BCKDHB: variants seen among roughly 807,000 people sequenced by gnomAD.
The protein encoded by BCKDHB is branched chain keto acid dehydrogenase E1 subunit beta.
Under a neutral mutation model 48.5 loss-of-function variants are expected in BCKDHB, and 41 were observed. The ratio of observed to expected loss-of-function variants is 0.85; its 90% confidence interval spans 0.66 to 1.10. The LOEUF is 1.10. Ranked by LOEUF, BCKDHB falls within the 50% of genes least tolerant of loss-of-function variation. The pLI is 0.00. For missense variants in BCKDHB, 496 were observed against 494.2 expected, an observed-to-expected ratio of 1.00 and a Z score of -0.03; for synonymous variants, 201 against 174.8, an observed-to-expected ratio of 1.15 and a Z score of -1.18.
intron 3 of BCKDHB, among the ~76,000 whole-genome samples, chr6:80,165,402 C>A (rs1469749311): frequency 6.6e-6 from 1 of 152,166 alleles, no homozygotes; most frequent in African/African-American, 2.4e-5. Context: ...TATAGCCTGG[C>A]AAACTACAGG....
chr6:80,185,838 G>A (rs1427866314), intron 6 of BCKDHB, among the ~76,000 whole-genome samples: 4 of 152,204 alleles, frequency 2.6e-5, no homozygotes, highest in African/African-American at 9.6e-5. Flanking sequence ...AGGGAGTTAA[G>A]TGTACTCTAT....
chr6:80,333,672 T>C (rs937639610), intron 9 of BCKDHB, among the ~76,000 whole-genome samples: 2 of 152,134 alleles, frequency 1.3e-5, no homozygotes, highest in African/African-American at 4.8e-5. Flanking sequence ...AGGGACATGA[T>C]TGAATTTATG....
At chr6:80,111,679 A>G (rs149837526) in intron 1 of BCKDHB, among the ~76,000 whole-genome samples, 1 of 152,332 alleles carries the variant, frequency 6.6e-6, no homozygotes, top group East Asian at 1.9e-4. Context: ...GCAGGAAACA[A>G]AATAACTATT....
At chr6:80,292,604 C>T (rs1356164714) in intron 9 of BCKDHB, among the ~76,000 whole-genome samples, 3 of 152,094 alleles carry the variant, frequency 2.0e-5, no homozygotes, top group African/African-American at 7.2e-5. Context: ...CATTCCACCC[C>T]AGCCCCTCCC....
At chr6:80,169,972 T>C (rs967936568) in intron 5 of BCKDHB, 3 of 1,304,832 alleles carry the variant, frequency 2.3e-6, no homozygotes, top group Admixed American at 3.8e-5. Flanking sequence ...ATATTGTTTT[T>C]AAGAACAGAT....
At chr6:80,128,182 TAC>T (rs1402637460) in intron 2 of BCKDHB, among the ~76,000 whole-genome samples, 5 of 152,026 alleles carry the variant, frequency 3.3e-5, no homozygotes, top group African/African-American at 1.2e-4. Flanking sequence ...TATCTATATA[TAC>T]AGTTTATATA....
At chr6:80,191,131 A>G (rs1280511094) in intron 6 of BCKDHB, among the ~76,000 whole-genome samples, 1 of 152,232 alleles carries the variant, frequency 6.6e-6, no homozygotes, top group Non-Finnish European at 1.5e-5. Context: ...TCTTTGTAAC[A>G]GATTCCCTGA....
the BCKDHB span, among the ~76,000 whole-genome samples, chr6:80,391,792 G>T: frequency 6.6e-6 from 1 of 151,838 alleles, no homozygotes; most frequent in Non-Finnish European, 1.5e-5. Flanking sequence ...TAAAATTTTG[G>T]GTTTACCATT....
At chr6:80,362,904 G>T in the BCKDHB span, among the ~76,000 whole-genome samples, 2 of 152,048 alleles carry the variant, frequency 1.3e-5, no homozygotes, top group African/African-American at 4.8e-5. Flanking sequence ...AACCAAAGAC[G>T]TGCCTTTAGA....
chr6:80,306,839 C>T (rs1158378418), intron 9 of BCKDHB, among the ~76,000 whole-genome samples: 1 of 152,130 alleles, frequency 6.6e-6, no homozygotes, highest in African/African-American at 2.4e-5. Flanking sequence ...TGGCTTGATG[C>T]CTCCTGGAGG....
At chr6:80,184,236 A>T (rs997645536) in intron 6 of BCKDHB, among the ~76,000 whole-genome samples, 1 of 152,148 alleles carries the variant, frequency 6.6e-6, no homozygotes, top group Non-Finnish European at 1.5e-5. Flanking sequence ...GTTGCTTTAA[A>T]GTCTGTTTTG....
At position 80,197,134 on chromosome 6, in the gene BCKDHB, C is replaced by T. The variant is rs999609875; in HGVS notation, c.743-3800C>T. 3.3e-5 allele frequency among the ~76,000 whole-genome samples: 5 copies of T among 152,278 alleles called. No individual in the cohort carries two copies. In the Middle Eastern group the frequency reaches 0.014, roughly 414 times the overall value. ...GCTTCTGAAGATTCGTGCTCTAACT[C>T]CTGTCACCTGCTCTCTTCTAGAAAG... is the stretch of plus-strand genomic sequence containing the variant. On this transcript the variant is annotated intron_variant, in intron 6 of 9. Coordinates refer to ENST00000320393, the MANE Select transcript of BCKDHB (RefSeq NM_183050.4).
intron 8 of BCKDHB, among the ~76,000 whole-genome samples, chr6:80,259,364 T>TA (rs2127948037): frequency 6.6e-6 from 1 of 152,326 alleles, no homozygotes; most frequent in Non-Finnish European, 1.5e-5. Flanking sequence ...GGTAAAGTGA[T>TA]ACGCTTTGGC....
chr6:80,154,456 C>T (rs1771940257), intron 3 of BCKDHB, among the ~76,000 whole-genome samples: 1 of 152,046 alleles, frequency 6.6e-6, no homozygotes, highest in African/African-American at 2.4e-5. Flanking sequence ...CTTCAGTTTG[C>T]TCCCCCTCCT....
chr6:80,278,042 A>G (rs598234), intron 9 of BCKDHB, among the ~76,000 whole-genome samples: 139,463 of 152,180 alleles, frequency 0.92, 63,993 homozygotes, highest in East Asian at 0.99. Context: ...AGGGGAAAAG[A>G]TCCTATAGGG....
chr6:80,293,506 C>A (rs569762639), intron 9 of BCKDHB, among the ~76,000 whole-genome samples: 1 of 152,140 alleles, frequency 6.6e-6, no homozygotes, highest in Non-Finnish European at 1.5e-5. Flanking sequence ...GCCCAGGAAA[C>A]CATTTTTTGC....
At chr6:80,303,173 T>C (rs1767672877) in intron 9 of BCKDHB, among the ~76,000 whole-genome samples, 1 of 152,166 alleles carries the variant, frequency 6.6e-6, no homozygotes, top group African/African-American at 2.4e-5. Flanking sequence ...TTTTATTTTT[T>C]AATTTAGCAT....
At chr6:80,208,711 T>C (rs1033155604) in intron 8 of BCKDHB, among the ~76,000 whole-genome samples, 1 of 151,820 alleles carries the variant, frequency 6.6e-6, no homozygotes, top group Middle Eastern at 3.2e-3. Context: ...ATATAAGTCA[T>C]TCAACATTGA....
the BCKDHB span, among the ~76,000 whole-genome samples, chr6:80,456,040 C>A: frequency 1.3e-5 from 2 of 151,914 alleles, no homozygotes; most frequent in Non-Finnish European, 2.9e-5. Context: ...TATGGTGAAA[C>A]CCCATCTCTA....
Sources: allele counts gnomAD v4.1 joint callset (sites outside exome capture counted in the v4.1 genomes callset), GRCh38; gene constraint gnomAD v4.1.1; transcripts MANE v1.5; gene names NCBI Gene and HGNC (gene_info 2026-07-23, HGNC 2026-07-21).